The following TPM4 variants were observed in gnomAD, a reference collection of about 807,000 sequenced individuals.
TPM4 encodes the protein tropomyosin alpha-4 chain.
TPM4 carries 17 observed loss-of-function variants against 35.8 expected under a neutral mutation model. The ratio of observed to expected loss-of-function variants is 0.47; its 90% CI spans 0.32 to 0.71. The LOEUF is 0.71. Among genes scored for constraint, TPM4 ranks in the 30% least tolerant of loss-of-function variants. The probability of loss-of-function intolerance (pLI) is 0.03; values close to 1 mark genes in which losing one functional copy is unlikely to be tolerated. For missense variants in TPM4, 240 were observed against 320.9 expected, an observed-to-expected ratio of 0.75 and a Z score of 1.93; for synonymous variants, 120 against 122.9, an observed-to-expected ratio of 0.98 and a Z score of 0.15.
At chr19:16,076,123 T>C (rs1301794132), upstream of TPM4, 3 of 1,587,962 alleles carry the variant, frequency 1.9e-6, no homozygotes, top group Non-Finnish European at 2.6e-6. Flanking sequence ...TCCGAGGACC[T>C]GAAGGACGCG....
upstream of TPM4, chr19:16,075,958 T>G: frequency 2.0e-6 from 3 of 1,500,988 alleles, no homozygotes; most frequent in Non-Finnish European, 2.7e-6. Context: ...GACGGAGGAC[T>G]CTTGTGAATA....
At chr19:16,069,478 AGTGT>A (rs368180568) in intron 2 of TPM4, among the ~76,000 whole-genome samples, 1 of 55,952 alleles carries the variant, frequency 1.8e-5, no homozygotes, top group East Asian at 1.0e-3. Flanking sequence ...TGTATGGATG[AGTGT>A]GTGTTTCTGA....
At chr19:16,097,194 T>TC (rs2090711532) in intron 7 of TPM4, among the ~76,000 whole-genome samples, 1 of 152,022 alleles carries the variant, frequency 6.6e-6, no homozygotes, top group Admixed American at 6.6e-5. Context: ...CCTCAACTGA[T>TC]CCGCCCACCT....
At chr19:16,094,051 G>A (rs1207905922) in intron 7 of TPM4, among the ~76,000 whole-genome samples, 1 of 145,086 alleles carries the variant, frequency 6.9e-6, no homozygotes, top group Non-Finnish European at 1.5e-5. Context: ...TGCAACCTGC[G>A]CCTCCCGGGT....
chr19:16,097,331 G>C (rs1041091051), intron 7 of TPM4, among the ~76,000 whole-genome samples: 1 of 151,488 alleles, frequency 6.6e-6, no homozygotes, highest in African/African-American at 2.4e-5. Context: ...CTGGAGTGCA[G>C]TGGCGCCATC....
intron 3 of TPM4, among the ~76,000 whole-genome samples, chr19:16,087,444 G>T (rs1028301668): frequency 6.6e-6 from 1 of 152,182 alleles, no homozygotes; most frequent in Admixed American, 6.5e-5. Context: ...GGGCATGGTC[G>T]TGCATGCCTG....
chr19:16,092,168 A>C (rs1309317589), intron 5 of TPM4, among the ~76,000 whole-genome samples: 1 of 137,418 alleles, frequency 7.3e-6, no homozygotes, highest in East Asian at 2.4e-4. Context: ...ACAGAGCAAG[A>C]TTCTGTCTGA....
At chr19:16,094,798 T>C (rs1568311147) in intron 7 of TPM4, among the ~76,000 whole-genome samples, 1 of 152,174 alleles carries the variant, frequency 6.6e-6, no homozygotes, top group Non-Finnish European at 1.5e-5. Context: ...TTCCAGAATC[T>C]TGGGGTTCAA....
chr19:16,092,177 GAAA>G (rs77856675), intron 5 of TPM4, among the ~76,000 whole-genome samples: 3 of 138,658 alleles, frequency 2.2e-5, no homozygotes, highest in African/African-American at 5.3e-5. Context: ...GATTCTGTCT[GAAA>G]AAAAAAAAAA....
In TPM4 at chr19:16,102,113, G is replaced by A. The variant is rs2090768951; in HGVS notation, c.*767G>A. 5.1e-6 allele frequency: 1 copy of A among 195,826 alleles called. No individual in the cohort carries two copies. The highest frequency in any genetic ancestry group is 8.0e-5 in the East Asian group (1 of 12,510). 12.1% of individuals were successfully genotyped at this position (195,826 alleles called of 1,614,324 possible). A position where few individuals can be genotyped will look rare whatever the true frequency, so the allele number is the denominator to read the frequency against. ...CGCCTGTAATCCCAACACTTTGGGA[G>A]GCCAGGACAGATCACTTGAGGTCAG... On this transcript the variant is annotated 3_prime_UTR_variant, in exon 8 of 8. Coordinates refer to ENST00000643579, the MANE Select transcript of TPM4 (RefSeq NM_003290.3).
At position 16,067,824 on chromosome 19, in the gene TPM4, G is replaced by T. The variant is rs2090313115; in HGVS notation, c.114+86G>T. The T allele has an allele frequency of 2.4e-6, 3 of 1,255,898 alleles. No homozygotes were observed. The highest frequency in any genetic ancestry group is 2.5e-5 in the East Asian group (1 of 39,220). The allele number at this position is 1,255,898 out of a possible 1,614,324, so 77.8% of individuals were successfully genotyped here. A position where few individuals can be genotyped will look rare whatever the true frequency, so the allele number is the denominator to read the frequency against. ...GGGGTCTGGAGCCCAGTTGGGGGTCGCAGACACCTGCGGGAGGATAGGAGG... is the reference window on the plus strand; with the variant it reads ...GGGGTCTGGAGCCCAGTTGGGGGTCTCAGACACCTGCGGGAGGATAGGAGG... On this transcript the variant is annotated intron_variant, in intron 2 of 2. Coordinates refer to the TPM4 transcript ENST00000589897. This position sits in a 1 kb window ranked among gnomAD's most constrained non-coding sequence, Gnocchi z 4.1.
intron 5 of TPM4, 63 bp from the exon 6 acceptor site, chr19:16,093,473 C>T: frequency 6.3e-7 from 1 of 1,591,900 alleles, no homozygotes; most frequent in Admixed American, 1.7e-5. Context: ...GGATTCCAGG[C>T]ATGAGCCACC....
chr19:16,073,843 G>A (rs1435347904), upstream of TPM4, among the ~76,000 whole-genome samples: 2 of 151,126 alleles, frequency 1.3e-5, no homozygotes, highest in Non-Finnish European at 2.9e-5. Context: ...TCAGGAGGCT[G>A]AGGCGGGAGG....
intron 3 of TPM4, 82 bp downstream of exon 3, chr19:16,086,622 C>G (rs11666147): frequency 1.0e-5 from 12 of 1,160,954 alleles, no homozygotes; most frequent in Non-Finnish European, 1.2e-5. Context: ...CCGGGGCCAA[C>G]GAAAGGAAGC....
In TPM4 at chr19:16,088,646, T is replaced by G. The variant is rs913263713; in HGVS notation, c.456-399T>G. The G allele has an allele frequency of 3.9e-6, 4 of 1,033,078 alleles. No individual in the cohort carries two copies. The South Asian group carries it at 1.1e-4, about 28-fold the overall frequency. The allele number at this position is 1,033,078 out of a possible 1,614,324, so 64.0% of individuals were successfully genotyped here. A position where few individuals can be genotyped will look rare whatever the true frequency, so the allele number is the denominator to read the frequency against. ...GAGAGATCTGGTTTCACAAATCCAC[T>G]CCGGGCTTCCTTCCCGGAGTGTCCC... On this transcript the variant is annotated intron_variant, in intron 4 of 7. Coordinates refer to ENST00000643579, the MANE Select transcript of TPM4 (RefSeq NM_003290.3).
upstream of TPM4, chr19:16,076,222 C>A: frequency 1.3e-6 from 2 of 1,548,296 alleles, no homozygotes; most frequent in East Asian, 2.4e-5. Context: ...GCCGGAGCCC[C>A]GGGGCCGGGA....
At chr19:16,088,247 C>T (rs2090583708) in intron 4 of TPM4, 150 bp downstream of exon 4, 1 of 1,422,714 alleles carries the variant, frequency 7.0e-7, no homozygotes, top group Non-Finnish European at 9.5e-7. Flanking sequence ...CTCTTGGCTT[C>T]TGTGACAAAG....
At chr19:16,099,165 C>T (rs1431941869) in intron 7 of TPM4, among the ~76,000 whole-genome samples, 4 of 151,896 alleles carry the variant, frequency 2.6e-5, no homozygotes, top group East Asian at 3.9e-4. Flanking sequence ...CTGCAGTGTC[C>T]GCCTCCCGGG....
At chr19:16,079,062 T>G (rs2090448961) in intron 1 of TPM4, among the ~76,000 whole-genome samples, 2 of 152,180 alleles carry the variant, frequency 1.3e-5, no homozygotes, top group South Asian at 4.1e-4. Context: ...GAACCCAAAA[T>G]GACTCGGCCG....
Sources: allele counts gnomAD v4.1 joint callset (sites outside exome capture counted in the v4.1 genomes callset), GRCh38; gene constraint gnomAD v4.1.1; non-coding constraint Gnocchi (gnomAD v3.1); transcripts MANE v1.5; gene names NCBI Gene and HGNC (gene_info 2026-07-23, HGNC 2026-07-21).